The following PRDM16 variants were observed in gnomAD, a reference collection of about 807,000 sequenced individuals.
PRDM16 encodes PR/SET domain 16.
In PRDM16, 23 loss-of-function variants were observed where a neutral mutation model predicts 110.6. That is an observed-to-expected ratio of 0.21 (90% CI 0.15 to 0.29). PRDM16 has a LOEUF of 0.29. PRDM16 is among the 10% of genes least tolerant of loss of function. PRDM16 has a pLI of 1.00. For missense variants in PRDM16, 1,615 were observed against 1,794.3 expected, an observed-to-expected ratio of 0.90 and a Z score of 1.81; for synonymous variants, 799 against 781.8, an observed-to-expected ratio of 1.02 and a Z score of -0.37.
At chr1:3,097,723 G>A (rs1642437500) in intron 1 of PRDM16, among the ~76,000 whole-genome samples, 1 of 152,160 alleles carries the variant, frequency 6.6e-6, no homozygotes, top group African/African-American at 2.4e-5. Flanking sequence ...GCAGCCACAG[G>A]GTCTCCCCGA....
At chr1:3,404,911 C>T (rs369391099) in intron 7 of PRDM16, 25 bp downstream of exon 7, 1 of 1,609,256 alleles carries the variant, frequency 6.2e-7, no homozygotes, top group Non-Finnish European at 8.5e-7. Context: ...GGCCCCGTCT[C>T]AGCCCCGGGG....
At position 3,244,151 on chromosome 1, in the gene PRDM16, C is replaced by T; in HGVS notation, c.438+14C>T. On this transcript the variant is annotated intron_variant, in intron 3 of 16. Coordinates refer to ENST00000270722, the MANE Select transcript of PRDM16 (RefSeq NM_022114.4). This position sits in a 1 kb window ranked among gnomAD's most constrained non-coding sequence, Gnocchi z 4.1. ...TGCATCACAAAGGTAGGAGAGCTCG[C>T]CCTGCGCCGTCTCAGCTCCCCAGCG... The T allele has an allele frequency of 6.2e-7, 1 of 1,613,286 alleles. No individual in the cohort carries two copies. Among genetic ancestry groups the T allele is most frequent in the East Asian group, 2.2e-5 (1 of 44,866 alleles).
intron 2 of PRDM16, among the ~76,000 whole-genome samples, chr1:3,212,588 C>T (rs1301471989): frequency 6.6e-6 from 1 of 152,184 alleles, no homozygotes; most frequent in Non-Finnish European, 1.5e-5. Context: ...GGAATGGAGG[C>T]CCCCGCTCAT....
rs1422231314 is a variant in PRDM16, at chr1:3,405,529, T to A, written c.1067T>A (p.Ile356Asn). 1 of 1,602,346 alleles carries A rather than the reference T, an allele frequency of 6.2e-7. No individual in the cohort carries two copies. Among genetic ancestry groups the A allele is most frequent in the Non-Finnish European group, 8.5e-7 (1 of 1,174,652 alleles). Reference sequence around the variant, plus strand: ...GACCCCAGCAACCTTCAGCGGCACATCCGCTCGCAGCACGTGGGCGCTCGG... The same window carrying A: ...GACCCCAGCAACCTTCAGCGGCACAACCGCTCGCAGCACGTGGGCGCTCGG... ...FTDPSNLQRH[I>N]RSQHVGARAH... Residue 356 changes from isoleucine (I) to asparagine (N), a missense_variant, in exon 8 of 17, where the codon ATC becomes AAC. Around this residue, in one of 5 missense-constraint regions of PRDM16, gnomAD observed 82 missense variants for 144.4 expected, o/e 0.57. Coordinates refer to ENST00000270722, the MANE Select transcript of PRDM16 (RefSeq NM_022114.4).
intron 2 of PRDM16, among the ~76,000 whole-genome samples, chr1:3,189,708 C>T (rs2100804845): frequency 6.6e-6 from 1 of 152,284 alleles, no homozygotes; most frequent in East Asian, 1.9e-4. Context: ...TCCGTGCTGG[C>T]CTAGAGCACG....
At chr1:3,315,757 C>T (rs544958673) in intron 3 of PRDM16, among the ~76,000 whole-genome samples, 98 of 152,294 alleles carry the variant, frequency 6.4e-4, no homozygotes, top group African/African-American at 2.3e-3. Flanking sequence ...AGAGCATCCC[C>T]GGCGACTTCA....
intron 3 of PRDM16, among the ~76,000 whole-genome samples, chr1:3,375,293 G>T (rs1478820688): frequency 6.6e-6 from 1 of 152,202 alleles, no homozygotes; most frequent in Non-Finnish European, 1.5e-5. Flanking sequence ...ACCGGCTGCC[G>T]AGCCCAAGGT....
chr1:3,162,678 G>C (rs1643909478), intron 1 of PRDM16, among the ~76,000 whole-genome samples: 1 of 152,240 alleles, frequency 6.6e-6, no homozygotes, highest in African/African-American at 2.4e-5. Flanking sequence ...GCAGATGAGT[G>C]GTGTGGAAAA....
intron 3 of PRDM16, among the ~76,000 whole-genome samples, chr1:3,259,795 C>T (rs1478484609): frequency 6.6e-6 from 1 of 152,072 alleles, no homozygotes; most frequent in Non-Finnish European, 1.5e-5. Flanking sequence ...GGATGCGCCT[C>T]TCCACTGGGC....
intron 5 of PRDM16, among the ~76,000 whole-genome samples, chr1:3,402,179 A>T (rs1259754558): frequency 1.3e-5 from 2 of 151,678 alleles, no homozygotes; most frequent in Non-Finnish European, 2.9e-5. Flanking sequence ...AGCCGGGGGG[A>T]TGAGGCATCT....
intron 3 of PRDM16, among the ~76,000 whole-genome samples, chr1:3,276,856 A>T (rs1001730348): frequency 2.6e-5 from 4 of 152,172 alleles, no homozygotes; most frequent in Non-Finnish European, 5.9e-5. Context: ...CAACCTAGTG[A>T]TGGAAAGAGA....
intron 4 of PRDM16, among the ~76,000 whole-genome samples, chr1:3,385,884 C>A (rs1160859845): frequency 1.3e-5 from 2 of 152,166 alleles, no homozygotes; most frequent in Non-Finnish European, 2.9e-5. Flanking sequence ...CTGAGGAGCC[C>A]CCTAAGCTCC....
chr1:3,355,607 A>C (rs763756745), intron 3 of PRDM16, among the ~76,000 whole-genome samples: 34 of 152,232 alleles, frequency 2.2e-4, no homozygotes, highest in Admixed American at 5.9e-4. Flanking sequence ...CATCCGCTCG[A>C]CGGTGGGTGC....
chr1:3,255,827 C>G lies in PRDM16; in HGVS notation c.438+11690C>G, dbSNP rs1047735139. On this transcript the variant is annotated intron_variant, in intron 3 of 16. Transcript: ENST00000270722. The surrounding 1 kb of genome is among the most constrained non-coding windows in gnomAD (Gnocchi z 4.7). ...CAGAATGAACCCATTGTCACTTGTG[C>G]CCAAAGCCAATCCCGTGGCCGCACC... Among the ~76,000 whole-genome samples the G allele has an allele frequency of 3.9e-4, 59 of 152,304 alleles. No homozygotes were observed. The highest frequency in any genetic ancestry group is 1.4e-3 in the African/African-American group (57 of 41,566).
At chr1:3,079,848 G>A (rs1049529226) in intron 1 of PRDM16, among the ~76,000 whole-genome samples, 6 of 152,218 alleles carry the variant, frequency 3.9e-5, no homozygotes, top group African/African-American at 1.4e-4. Flanking sequence ...GAGAGGGCCC[G>A]CCAAGCTACT....
intron 5 of PRDM16, among the ~76,000 whole-genome samples, chr1:3,401,961 A>G (rs866272464): frequency 6.6e-6 from 1 of 152,260 alleles, no homozygotes; most frequent in Non-Finnish European, 1.5e-5. Flanking sequence ...GCAGGCCCAC[A>G]CAAACATGGG....
chr1:3,111,378 G>A (rs1323899290), intron 1 of PRDM16, among the ~76,000 whole-genome samples: 2 of 108,206 alleles, frequency 1.8e-5, no homozygotes, highest in African/African-American at 6.8e-5. Context: ...GTGCTGGGGG[G>A]AAGTCCACAC....
chr1:3,210,139 C>T (rs1638846785), intron 2 of PRDM16, among the ~76,000 whole-genome samples: 2 of 152,298 alleles, frequency 1.3e-5, no homozygotes, highest in South Asian at 2.1e-4. Context: ...GAAACCAGCT[C>T]GCTATGTGCC....
intron 2 of PRDM16, among the ~76,000 whole-genome samples, chr1:3,233,418 C>A (rs1165772280): frequency 1.3e-5 from 2 of 152,194 alleles, no homozygotes; most frequent in African/African-American, 4.8e-5. Context: ...AGCGCACCCG[C>A]CGGAGCTGGG....
Sources: allele counts gnomAD v4.1 joint callset (sites outside exome capture counted in the v4.1 genomes callset), GRCh38; gene constraint gnomAD v4.1.1; regional missense constraint gnomAD v4.1.1; non-coding constraint Gnocchi (gnomAD v3.1); transcripts MANE v1.5; gene names NCBI Gene and HGNC (gene_info 2026-07-23, HGNC 2026-07-21).